The following CTNNA2 variants were observed in gnomAD, a reference collection of about 807,000 sequenced individuals.
The protein encoded by CTNNA2 is catenin alpha-2.
CTNNA2 carries 42 observed loss-of-function variants against 101.0 expected under a neutral mutation model. The ratio of observed to expected loss-of-function variants is 0.42; its 90% CI spans 0.32 to 0.54. The LOEUF (loss-of-function observed/expected upper bound fraction) is 0.54. Among genes scored for constraint, CTNNA2 ranks in the 20% least tolerant of loss-of-function variants. CTNNA2 has a pLI of 0.14. For synonymous variants in CTNNA2, 450 were observed against 456.4 expected (o/e 0.99, Z 0.18); for missense variants, 871 against 1,223.1 (o/e 0.71, Z 4.29).
chr2:79,962,726 T>A (rs116015950), intron 7 of CTNNA2, among the ~76,000 whole-genome samples: 3,196 of 152,258 alleles, frequency 0.021, 108 homozygotes, highest in African/African-American at 0.073. Context: ...CACATGTTGG[T>A]GCACATTGGA....
At chr2:79,448,288 T>C (rs1678854945) in intron 4 of CTNNA2, among the ~76,000 whole-genome samples, 1 of 152,042 alleles carries the variant, frequency 6.6e-6, no homozygotes, top group Non-Finnish European at 1.5e-5. Context: ...ATTTATTATA[T>C]AATATCTGTA....
At chr2:79,893,969 A>T (rs887320243) in intron 6 of CTNNA2, among the ~76,000 whole-genome samples, 1 of 151,946 alleles carries the variant, frequency 6.6e-6, no homozygotes, top group East Asian at 1.9e-4. Flanking sequence ...GAGCATTTTT[A>T]TTCTGTCAAG....
chr2:79,276,502 G>C (rs187509441), intron 2 of CTNNA2, among the ~76,000 whole-genome samples: 3 of 152,138 alleles, frequency 2.0e-5, no homozygotes, highest in African/African-American at 7.2e-5. Flanking sequence ...CTGATGTAAT[G>C]TTTGTTACCT....
intron 7 of CTNNA2, among the ~76,000 whole-genome samples, chr2:80,130,598 G>T (rs1702360095): frequency 6.6e-6 from 1 of 152,136 alleles, no homozygotes; most frequent in Non-Finnish European, 1.5e-5. Flanking sequence ...AAGATTAAAC[G>T]ACAGGGAACA....
At chr2:80,363,218 T>G (rs1372990765) in intron 7 of CTNNA2, among the ~76,000 whole-genome samples, 1 of 151,574 alleles carries the variant, frequency 6.6e-6, no homozygotes, top group Non-Finnish European at 1.5e-5. Context: ...CACAGAAATA[T>G]TTTTTCTTCA....
intron 2 of CTNNA2, among the ~76,000 whole-genome samples, chr2:79,211,881 G>A (rs1370654550): frequency 3.3e-5 from 5 of 152,124 alleles, no homozygotes; most frequent in Admixed American, 2.0e-4. Context: ...TGCTTCGAGC[G>A]GGATTAGGGG....
chr2:79,677,365 A>G (rs1683255930), intron 2 of CTNNA2, among the ~76,000 whole-genome samples: 1 of 152,122 alleles, frequency 6.6e-6, no homozygotes. Context: ...TTGCCTGTCC[A>G]CTGAGTCCCT....
chr2:80,239,018 G>C (rs1264069444), intron 7 of CTNNA2, among the ~76,000 whole-genome samples: 1 of 152,192 alleles, frequency 6.6e-6, no homozygotes, highest in African/African-American at 2.4e-5. Context: ...AAGATTTTTA[G>C]CCTGAAGACA....
At chr2:80,476,490 T>C (rs1379932022) in intron 9 of CTNNA2, among the ~76,000 whole-genome samples, 4 of 152,180 alleles carry the variant, frequency 2.6e-5, no homozygotes, top group African/African-American at 7.2e-5. Context: ...AGAAGTAACA[T>C]AGCATCAAGA....
chr2:79,682,507 T>G lies in CTNNA2; in HGVS notation c.102+30849T>G, dbSNP rs531121887. ...TTCTTTTGGCAAGACTTAAGATATATAGCCTGAACAAAAGGCTCTGTAGCT... is the reference window on the plus strand; with the variant it reads ...TTCTTTTGGCAAGACTTAAGATATAGAGCCTGAACAAAAGGCTCTGTAGCT... On this transcript the variant is annotated intron_variant, in intron 2 of 18. Transcript: ENST00000402739. 8.9e-4 allele frequency among the ~76,000 whole-genome samples: 135 copies of G among 151,860 alleles called. 1 individual carries two copies. Among genetic ancestry groups the G allele is most frequent in the African/African-American group, 3.1e-3 (130 of 41,456 alleles).
In CTNNA2 at chr2:79,517,134, A is replaced by G. The variant is rs971933527; in HGVS notation, c.-6+3927A>G. On this transcript the variant is annotated intron_variant, in intron 1 of 18. Transcript: ENST00000402739. ...AAGTATACTCTCTGTGTGGAGAGAC[A>G]GATGCTCACTGGCTACATCTGTTGG... 2.0e-5 allele frequency among the ~76,000 whole-genome samples: 3 copies of G among 152,210 alleles called. No homozygotes were observed. The South Asian group carries it at 6.2e-4, about 32-fold the overall frequency.
rs138750950 is a variant in CTNNA2, at chr2:80,236,565, C to T, written c.1057-156646C>T. On this transcript the variant is annotated intron_variant, in intron 7 of 18. Transcript: ENST00000402739. ...AATGAAGACTCAGGCAGCAGTCTGT[C>T]ACAAGGGATACTGGGAAATGTAATC... 5.3e-3 allele frequency among the ~76,000 whole-genome samples: 807 copies of T among 152,248 alleles called. 8 individuals are homozygous for T. Among genetic ancestry groups the T allele is most frequent in the African/African-American group, 0.018 (758 of 41,538 alleles).
chr2:79,847,634 C>T (rs1242222384), intron 3 of CTNNA2, among the ~76,000 whole-genome samples: 3 of 148,962 alleles, frequency 2.0e-5, no homozygotes, highest in African/African-American at 7.3e-5. Flanking sequence ...AGAGGTCACA[C>T]CTGGATTTTG....
At chr2:80,391,400 T>G (rs549302013) in intron 7 of CTNNA2, among the ~76,000 whole-genome samples, 8 of 152,146 alleles carry the variant, frequency 5.3e-5, no homozygotes, top group Non-Finnish European at 8.8e-5. Context: ...GTGTCTCAAT[T>G]TTTTTCTTTT....
chr2:80,492,902 T>C (rs1476848836), intron 9 of CTNNA2, among the ~76,000 whole-genome samples: 1 of 152,186 alleles, frequency 6.6e-6, no homozygotes, highest in African/African-American at 2.4e-5. Context: ...TTGGCGGACT[T>C]CAGTTCTAAA....
intron 2 of CTNNA2, among the ~76,000 whole-genome samples, chr2:79,271,661 G>A (rs554136306): frequency 3.9e-5 from 6 of 152,088 alleles, no homozygotes; most frequent in South Asian, 4.2e-4. Flanking sequence ...CTGACTCTTT[G>A]AAGTGTTCCC....
intron 7 of CTNNA2, among the ~76,000 whole-genome samples, chr2:80,103,602 A>G (rs1042212939): frequency 6.6e-6 from 1 of 152,230 alleles, no homozygotes; most frequent in Non-Finnish European, 1.5e-5. Context: ...CCAGATGAGC[A>G]GTCCTTGGCT....
intron 7 of CTNNA2, among the ~76,000 whole-genome samples, chr2:79,971,188 A>G (rs935635883): frequency 1.3e-5 from 2 of 152,158 alleles, no homozygotes; most frequent in Non-Finnish European, 2.9e-5. Context: ...TCTTTGTTCA[A>G]TGTTTCTTGT....
At position 80,480,564 on chromosome 2, in the gene CTNNA2, C is replaced by T. The variant is rs575018519; in HGVS notation, c.1290+60963C>T. Among the ~76,000 whole-genome samples the T allele has an allele frequency of 4.6e-4, 70 of 152,152 alleles. 2 individuals are homozygous for T. Among genetic ancestry groups the T allele is most frequent in the Non-Finnish European group, 3.5e-4 (24 of 67,982 alleles). ...TTGTGAGAAAACTAGGCCTATTGTG[C>T]GACCTGAACCTATTGATGTAAAATT... On this transcript the variant is annotated intron_variant, in intron 9 of 18. Transcript: ENST00000402739.
Sources: gnomAD v4.1 joint callset for allele counts (sites outside exome capture counted in the v4.1 genomes callset) on GRCh38, gnomAD v4.1.1 for gene constraint, MANE v1.5 for transcripts, NCBI Gene and HGNC (gene_info 2026-07-23, HGNC 2026-07-21) for gene names.